Variants in PER1 observed in about 807,000 individuals in gnomAD.
PER1 encodes period circadian regulator 1.
PER1 carries 87 observed loss-of-function variants against 125.9 expected under a neutral mutation model. The ratio of observed to expected loss-of-function variants is 0.69; its 90% CI spans 0.58 to 0.83. The LOEUF (loss-of-function observed/expected upper bound fraction) is 0.83, where lower values mean the gene tolerates loss of function less well. Among genes scored for constraint, PER1 ranks in the 40% least tolerant of loss-of-function variants. PER1 has a pLI of 0.00. For missense variants in PER1, 1,775 were observed against 1,722.8 expected, an observed-to-expected ratio of 1.03 and a Z score of -0.54; for synonymous variants, 801 against 714.7, an observed-to-expected ratio of 1.12 and a Z score of -1.93.
Position 8,143,468 on chromosome 17 carries a change from G to A in PER1, c.2870C>T (p.Ser957Phe). 1 of 1,604,044 alleles carries A rather than the reference G, an allele frequency of 6.2e-7. No individual in the cohort carries two copies. The highest frequency in any genetic ancestry group is 1.1e-5 in the South Asian group (1 of 89,376). ...AGGACTCGGGGCGAGGGCGGGCAAG[G>A]ATGGAGAAGGGGAGTGCGAGGCAGG... The part of the protein sequence containing the change: ...PTPASHSPSP[S>F]LPALAPSPPH... Residue 957 changes from serine to phenylalanine, a missense_variant, in exon 19 of 23, where the codon TCC (serine) becomes TTC (phenylalanine). By Grantham distance (155) the Ser-to-Phe change is radical. Coordinates refer to ENST00000317276, the MANE Select transcript of PER1 (RefSeq NM_002616.3).
In PER1 at chr17:8,147,293, T is replaced by A. The variant is rs1982513535; in HGVS notation, c.1586A>T (p.Asp529Val). Residue 529 changes from aspartate to valine, a missense_variant, in exon 13 of 23, where the codon GAT becomes GTT. Transcript: ENST00000317276. ...CCCCTCTGCATCACCCCCGTTGCTA[T>A]CACTGGAGGACCCAGGGCTGTGGAG... Reference protein sequence around the residue: ...GPLHSPGSSSDSNGGDAEGPG... With the variant: ...GPLHSPGSSSVSNGGDAEGPG... 1 of 1,613,328 alleles carries A rather than the reference T, an allele frequency of 6.2e-7. No individual in the cohort carries two copies. Among genetic ancestry groups the A allele is most frequent in the Non-Finnish European group, 8.5e-7 (1 of 1,179,742 alleles).
chr17:8,145,853 C>A, intron 17 of PER1, 105 bp downstream of exon 17: 1 of 1,323,260 alleles, frequency 7.6e-7, no homozygotes, highest in Non-Finnish European at 1.0e-6. Context: ...CAAGGGAGGC[C>A]TCCTTCTCTC....
chr17:8,149,121 G>A (rs373342074), intron 7 of PER1, 138 bp downstream of exon 7: 12 of 784,356 alleles, frequency 1.5e-5, no homozygotes, highest in East Asian at 7.8e-5. Flanking sequence ...CCTGGGAGGC[G>A]GAGGTTGCAG....
rs1196677460 is a variant in PER1 at position 8,140,543 on chromosome 17, G to C, written c.*525C>G. On this transcript the variant is annotated 3_prime_UTR_variant, in exon 23 of 23. Coordinates refer to ENST00000317276, the MANE Select transcript of PER1 (RefSeq NM_002616.3). ...ATCAAAAACACAAATGCCATCGGCA[G>C]AGGGTACAGCTGAGAACGCCTGGGT... 4.4e-6 allele frequency: 1 copy of C among 229,292 alleles called. No homozygotes were observed. Among genetic ancestry groups the C allele is most frequent in the Non-Finnish European group, 8.7e-6 (1 of 115,580 alleles). 14.2% of individuals were successfully genotyped at this position (229,292 alleles called of 1,614,324 possible).
rs755841710 is a variant in PER1, at chr17:8,149,836, G to A, written c.570C>T (p.Gly190=). 1.2e-5 allele frequency: 20 copies of A among 1,613,902 alleles called. No individual in the cohort carries two copies. The highest frequency in any genetic ancestry group is 3.3e-5 in the South Asian group (3 of 91,094). Reference sequence around the variant, plus strand: ...TGGACATGTCCATGGAGCAAGGCTCGCCCTCCTCCAGGCTCCACTGCTGGT... The same window carrying A: ...TGGACATGTCCATGGAGCAAGGCTCACCCTCCTCCAGGCTCCACTGCTGGT... ...EYYQQWSLEE[G]EPCSMDMSTY... The change falls in exon 5 of 23, where the codon GGC becomes GGT. Residue 190 remains glycine, a synonymous_variant. Coordinates refer to ENST00000317276, the MANE Select transcript of PER1 (RefSeq NM_002616.3).
chr17:8,151,409 G>A lies in PER1; in HGVS notation c.-139-564C>T, dbSNP rs189574157. Among the ~76,000 whole-genome samples, 277 of 152,290 alleles carry A rather than the reference G, an allele frequency of 1.8e-3. 1 individual carries two copies. The highest frequency in any genetic ancestry group is 3.4e-3 in the Middle Eastern group (1 of 294). ...CCTCCCCCATTTCCCGGCGGAAGTGGGGGAACGGCCCACTCTCACACTGGT... is the reference window on the plus strand; with the variant it reads ...CCTCCCCCATTTCCCGGCGGAAGTGAGGGAACGGCCCACTCTCACACTGGT... On this transcript the variant is annotated intron_variant, in intron 1 of 22. Coordinates refer to ENST00000317276, the MANE Select transcript of PER1 (RefSeq NM_002616.3).
intron 21 of PER1, 39 bp from the exon 22 acceptor site, chr17:8,141,994 C>T (rs993658807): frequency 2.0e-5 from 33 of 1,611,188 alleles, no homozygotes; most frequent in Non-Finnish European, 2.8e-5. Flanking sequence ...GGCTGGGATC[C>T]AGGACCCGGA....
At chr17:8,146,301 G>A (rs1982431604) in intron 16 of PER1, 71 bp downstream of exon 16, 3 of 1,542,678 alleles carry the variant, frequency 1.9e-6, no homozygotes, top group Non-Finnish European at 2.6e-6. Context: ...GGGCCCAGAA[G>A]CAGAAGGGAA....
chr17:8,148,367 C>T, intron 8 of PER1, 108 bp from the exon 9 acceptor site: 2 of 972,160 alleles, frequency 2.1e-6, no homozygotes, highest in Non-Finnish European at 3.2e-6. Flanking sequence ...CACAGCTCTG[C>T]CCCGGGCACT....
In PER1 at chr17:8,149,631, C is replaced by T. The variant is rs376983965; in HGVS notation, c.684G>A (p.Thr228=). 8 of 1,610,968 alleles carry T rather than the reference C, an allele frequency of 5.0e-6. No individual in the cohort carries two copies. The highest frequency in any genetic ancestry group is 1.7e-5 in the Admixed American group (1 of 59,964). Residue 228 remains threonine (T), a synonymous_variant, in exon 6 of 23, where the codon ACG becomes ACA. Transcript: ENST00000317276. ...GCTCCGAAATGTAGACGATTCGGCCCGTCAGGAAGGAGACAGCCACTGAGA... is the reference window on the plus strand; with the variant it reads ...GCTCCGAAATGTAGACGATTCGGCCTGTCAGGAAGGAGACAGCCACTGAGA... ...DTFSVAVSFL[T]GRIVYISEQA... is the part of the protein sequence containing the mutation.
chr17:8,152,178 G>C (rs1350649053), intron 1 of PER1, among the ~76,000 whole-genome samples, 159 bp downstream of exon 1: 3 of 152,324 alleles, frequency 2.0e-5, no homozygotes, highest in Admixed American at 6.5e-5. Flanking sequence ...GCAAGATTTC[G>C]AGGAGGACTT....
intron 1 of PER1, among the ~76,000 whole-genome samples, chr17:8,151,270 C>T (rs1982846376): frequency 6.6e-6 from 1 of 152,252 alleles, no homozygotes; most frequent in Non-Finnish European, 1.5e-5. Flanking sequence ...TGCGCGCCGA[C>T]GTGCGCGGCC....
Position 8,147,384 on chromosome 17 carries a change from G to C in PER1, c.1498-3C>G. 1 of 1,613,688 alleles carries C rather than the reference G, an allele frequency of 6.2e-7. No individual in the cohort carries two copies. The highest frequency in any genetic ancestry group is 2.2e-5 in the East Asian group (1 of 44,884). ...GTGGGGCTGGGGCTGTGGACGGGCT[G>C]CAGCAGGGAGAGGGCAGGTTAGATG... On this transcript the variant is annotated splice_region_variant and splice_polypyrimidine_tract_variant and intron_variant, in intron 12 of 22. Coordinates refer to ENST00000317276, the MANE Select transcript of PER1 (RefSeq NM_002616.3).
Position 8,147,507 on chromosome 17 carries a change from T to C in PER1, c.1460A>G (p.Gln487Arg), listed in dbSNP as rs758767479. Residue 487 changes from glutamine to arginine, a missense_variant, in exon 12 of 23, where the codon CAG becomes CGG. Gln to Arg is a conservative substitution (Grantham distance 43). Transcript: ENST00000317276. ...SPAPSLDTDI[Q>R]ELSEQIHRLL... Reference sequence around the variant, plus strand: ...CCGGTGGATCTGCTCTGACAGCTCCTGGATATCAGTGTCCAGGGAGGGAGC... The same window carrying C: ...CCGGTGGATCTGCTCTGACAGCTCCCGGATATCAGTGTCCAGGGAGGGAGC... 7 of 1,613,738 alleles carry C rather than the reference T, an allele frequency of 4.3e-6. No individual in the cohort carries two copies. Among genetic ancestry groups the C allele is most frequent in the South Asian group, 3.3e-5 (3 of 91,072 alleles).
At chr17:8,142,509 T>A in intron 20 of PER1, 51 bp from the exon 21 acceptor site, 1 of 1,547,420 alleles carries the variant, frequency 6.5e-7, no homozygotes, top group East Asian at 2.3e-5. Context: ...GCATGCCCAC[T>A]CCTGGGACCT....
intron 8 of PER1, among the ~76,000 whole-genome samples, 187 bp from the exon 9 acceptor site, chr17:8,148,446 C>T (rs1451373336): frequency 6.6e-6 from 1 of 152,212 alleles, no homozygotes. Context: ...GCAAGCAAGG[C>T]ATTCTTCTCT....
rs753006814 is a variant in PER1 at position 8,143,438 on chromosome 17, TGAG to T, written c.2897_2899del (p.Pro966del). On this transcript the variant is annotated inframe_deletion, in exon 19 of 23. Coordinates refer to ENST00000317276, the MANE Select transcript of PER1 (RefSeq NM_002616.3). ...GTTGAACAGTGGAGAGTCCGGGCGG[TGAG>T]GAGGACTCGGGGCGAGGGCGGGCAA... 44 of 1,608,958 alleles carry T rather than the reference TGAG, an allele frequency of 2.7e-5. No individual in the cohort carries two copies. The highest frequency in any genetic ancestry group is 3.3e-5 in the Non-Finnish European group (39 of 1,177,636).
At position 8,140,894 on chromosome 17, in the gene PER1, G is replaced by A. The variant is rs1158564530; in HGVS notation, c.*174C>T. ...CGGAGTTCTGCTCTCTGCTCCCTAA[G>A]AGGCCAGAGGCAGCCCCTGGATCCT... On this transcript the variant is annotated 3_prime_UTR_variant, in exon 23 of 23. Coordinates refer to ENST00000317276, the MANE Select transcript of PER1 (RefSeq NM_002616.3). The A allele has an allele frequency of 1.5e-6, 1 of 687,342 alleles. No individual in the cohort carries two copies. The highest frequency in any genetic ancestry group is 2.4e-6 in the Non-Finnish European group (1 of 409,494). The allele number at this position is 687,342 out of a possible 1,614,324, so 42.6% of individuals were successfully genotyped here.
Position 8,146,466 on chromosome 17 carries a change from C to T in PER1, c.1944G>A (p.Lys648=), listed in dbSNP as rs1298209611. 5.6e-6 allele frequency: 9 copies of T among 1,613,744 alleles called. No individual in the cohort carries two copies. The highest frequency in any genetic ancestry group is 7.6e-6 in the Non-Finnish European group (9 of 1,179,906). Residue 648 remains lysine, a synonymous_variant, in exon 16 of 23, where the codon AAG becomes AAA. Transcript: ENST00000317276. ...AGGAGGAGGAGGAGGCACATTTACG[C>T]TTAGTGGTGCTGGGGAGGTTGCAGC... ...LESCNLPSTT[K]RKCASSSSYT... is the part of the protein sequence containing the mutation.
Sources: gnomAD v4.1 joint callset for allele counts (sites outside exome capture counted in the v4.1 genomes callset) on GRCh38, gnomAD v4.1.1 for gene constraint, MANE v1.5 for transcripts, NCBI Gene and HGNC (gene_info 2026-07-23, HGNC 2026-07-21) for gene names.